Variants in PPP2R2C observed in about 807,000 individuals in gnomAD.
PPP2R2C encodes protein phosphatase 2, regulatory subunit B, gamma.
Under a neutral mutation model 45.3 loss-of-function variants are expected in PPP2R2C, and 10 were observed. The ratio of observed to expected loss-of-function variants is 0.22; its 90% CI spans 0.14 to 0.37. The LOEUF (loss-of-function observed/expected upper bound fraction) is 0.37, where lower values mean the gene tolerates loss of function less well. Among genes scored for constraint, PPP2R2C ranks in the 10% least tolerant of loss-of-function variants. The pLI is 1.00. For missense variants in PPP2R2C, 308 were observed against 619.7 expected, an observed-to-expected ratio of 0.50 and a Z score of 5.34; for synonymous variants, 257 against 245.4, an observed-to-expected ratio of 1.05 and a Z score of -0.44.
chr4:6,366,942 G>A (rs903557945), intron 5 of PPP2R2C, among the ~76,000 whole-genome samples: 3 of 152,088 alleles, frequency 2.0e-5, no homozygotes, highest in East Asian at 1.9e-4. Context: ...AGGTTCCGAT[G>A]AGCCAATTTC....
rs550290964 is a variant in PPP2R2C at position 6,335,461 on chromosome 4, A to C, written c.791-1730T>G. Among the ~76,000 whole-genome samples, 735 of 152,140 alleles carry C rather than the reference A, an allele frequency of 4.8e-3. 28 individuals carry two copies. Among genetic ancestry groups the C allele is most frequent in the Non-Finnish European group, 1.1e-3 (74 of 67,986 alleles). On this transcript the variant is annotated intron_variant, in intron 6 of 8. Transcript: ENST00000382599. ...CACGCCAAGGGCCGTGCAGGCAGAG[A>C]AAGGAGTGAGCAGGGGGAACAGGGA...
intron 5 of PPP2R2C, among the ~76,000 whole-genome samples, chr4:6,365,612 C>T (rs1714233330): frequency 1.3e-5 from 2 of 152,210 alleles, no homozygotes; most frequent in Non-Finnish European, 2.9e-5. Flanking sequence ...AGTCTGCATG[C>T]AGAGGGACTG....
chr4:6,348,216 GTCC>G, intron 5 of PPP2R2C, among the ~76,000 whole-genome samples: 1 of 151,764 alleles, frequency 6.6e-6, no homozygotes, highest in Non-Finnish European at 1.5e-5. Context: ...CTAGGTGCCT[GTCC>G]CCTGTTCCCA....
rs1015987625 is a variant in PPP2R2C at position 6,321,428 on chromosome 4, T to C, written c.*1874A>G. 6 of 152,602 alleles carry C rather than the reference T, an allele frequency of 3.9e-5. No individual in the cohort carries two copies. Among genetic ancestry groups the C allele is most frequent in the African/African-American group, 1.4e-4 (6 of 41,450 alleles). The allele number at this position is 152,602 out of a possible 1,614,324, so 9.5% of individuals were successfully genotyped here. ...AATTAGAATAGATATGTACATATAA[T>C]ACTGTCCAGGTCAACTGGATTTTAT... On this transcript the variant is annotated 3_prime_UTR_variant, in exon 9 of 9. Transcript: ENST00000382599.
At chr4:6,359,090 C>T (rs1326460857) in intron 5 of PPP2R2C, among the ~76,000 whole-genome samples, 1 of 152,186 alleles carries the variant, frequency 6.6e-6, no homozygotes, top group Non-Finnish European at 1.5e-5. Context: ...GACTTGGAAC[C>T]AACCCAAATG....
intron 1 of PPP2R2C, among the ~76,000 whole-genome samples, chr4:6,544,656 G>A (rs776308836): frequency 2.0e-5 from 3 of 152,204 alleles, no homozygotes; most frequent in Non-Finnish European, 4.4e-5. Flanking sequence ...TTCCTAAATT[G>A]TATGTGATTA....
chr4:6,381,531 C>G, intron 1 of PPP2R2C: 1 of 1,397,002 alleles, frequency 7.2e-7, no homozygotes, highest in Non-Finnish European at 9.3e-7. Context: ...TAGATAAGCG[C>G]AAGGCAACCC....
chr4:6,434,510 C>T (rs1719798263), intron 1 of PPP2R2C, among the ~76,000 whole-genome samples: 1 of 151,930 alleles, frequency 6.6e-6, no homozygotes, highest in African/African-American at 2.4e-5. Flanking sequence ...AGGCATGCAC[C>T]ACCACGCCTG....
chr4:6,554,809 A>C (rs1216286935), intron 1 of PPP2R2C, among the ~76,000 whole-genome samples: 3 of 150,932 alleles, frequency 2.0e-5, no homozygotes, highest in African/African-American at 7.3e-5. Context: ...GCAGTGAGCC[A>C]AGATCATGCC....
At chr4:6,392,590 A>T (rs1716726476) in intron 1 of PPP2R2C, among the ~76,000 whole-genome samples, 1 of 152,148 alleles carries the variant, frequency 6.6e-6, no homozygotes, top group Non-Finnish European at 1.5e-5. Flanking sequence ...GGTGAGTTTG[A>T]TCTGTTGCAG....
intron 6 of PPP2R2C, among the ~76,000 whole-genome samples, chr4:6,339,987 C>T (rs902815364): frequency 5.9e-5 from 9 of 151,966 alleles, no homozygotes; most frequent in African/African-American, 2.2e-4. Flanking sequence ...CCAGGTGATG[C>T]CACTGTTTGG....
In PPP2R2C at chr4:6,372,563, G is replaced by T; in HGVS notation, c.585C>A (p.Arg195=). The change falls in exon 5 of 9, where the codon CGC becomes CGA. Residue 195 remains arginine (R), a synonymous_variant. Transcript: ENST00000382599. ...CETYMSADDL[R]INLWHLAITD... ...TGATGGCCAGGTGCCAGAGGTTGAT[G>T]CGCAGGTCATCCGCCGACATGTAGG... The T allele has an allele frequency of 5.0e-6, 8 of 1,614,230 alleles. No individual in the cohort carries two copies. Among genetic ancestry groups the T allele is most frequent in the Non-Finnish European group, 5.9e-6 (7 of 1,180,044 alleles).
rs1384637851 is a variant in PPP2R2C at position 6,337,142 on chromosome 4, A to G, written c.791-3411T>C. ...TATATATATATATATATATATATAT[A>G]TATATATATATATATATATTTGTAG... On this transcript the variant is annotated intron_variant, in intron 6 of 8. Transcript: ENST00000382599. Among the ~76,000 whole-genome samples the G allele has an allele frequency of 2.1e-3, 173 of 84,372 alleles. 12 individuals are homozygous for G. The highest frequency in any genetic ancestry group is 8.6e-3 in the African/African-American group (143 of 16,718). The allele number at this position is 84,372 out of a possible 152,430, so 55.4% of individuals were successfully genotyped here.
chr4:6,403,127 A>G (rs934742159), intron 1 of PPP2R2C, among the ~76,000 whole-genome samples: 4 of 152,256 alleles, frequency 2.6e-5, no homozygotes, highest in African/African-American at 7.2e-5. Flanking sequence ...AATTATGCAC[A>G]TGGCAGGACA....
chr4:6,432,545 G>T (rs2109412458), intron 1 of PPP2R2C, among the ~76,000 whole-genome samples: 1 of 152,258 alleles, frequency 6.6e-6, no homozygotes, highest in African/African-American at 2.4e-5. Flanking sequence ...ATCCCAAAGG[G>T]TGGGCCCAGT....
chr4:6,561,714 T>A (rs758835470), intron 1 of PPP2R2C, among the ~76,000 whole-genome samples: 2 of 151,798 alleles, frequency 1.3e-5, no homozygotes, highest in Non-Finnish European at 2.9e-5. Context: ...CACAGATACA[T>A]ACATGGATAC....
At position 6,372,659 on chromosome 4, in the gene PPP2R2C, G is replaced by C. The variant is rs1385100274; in HGVS notation, c.489C>G (p.Ser163Arg). The change falls in exon 5 of 9, where the codon AGC (serine) becomes AGG (arginine). Residue 163 changes from serine to arginine, a missense_variant. Ser to Arg is a moderately radical substitution (Grantham distance 110). Transcript: ENST00000382599. ...LKPMDLMVEV[S>R]PRRIFANGHT... ...GGCCATTGGCAAAGATCCTCCGAGG[G>C]CTCACCTCCACCATCAGATCCATGG... 1 of 1,614,206 alleles carries C rather than the reference G, an allele frequency of 6.2e-7. No individual in the cohort carries two copies. Among genetic ancestry groups the C allele is most frequent in the Admixed American group, 1.7e-5 (1 of 60,032 alleles).
At chr4:6,325,167 ACT>A (rs1731843961) in intron 8 of PPP2R2C, among the ~76,000 whole-genome samples, 1 of 151,958 alleles carries the variant, frequency 6.6e-6, no homozygotes. Flanking sequence ...TGACATGCGC[ACT>A]CTCTTAGTTT....
chr4:6,496,328 C>A (rs1028592564), intron 2 of PPP2R2C, among the ~76,000 whole-genome samples: 1 of 152,188 alleles, frequency 6.6e-6, no homozygotes, highest in Admixed American at 6.5e-5. Flanking sequence ...AAAGAATCAT[C>A]CCATCTGGAC....
Sources: allele counts gnomAD v4.1 joint callset (sites outside exome capture counted in the v4.1 genomes callset), GRCh38; gene constraint gnomAD v4.1.1; transcripts MANE v1.5; gene names NCBI Gene and HGNC (gene_info 2026-07-23, HGNC 2026-07-21).